The following MGRN1 variants were observed in gnomAD, a reference collection of about 807,000 sequenced individuals.
MGRN1 encodes mahogunin ring finger 1.
A neutral mutation model predicts 69.2 loss-of-function variants in MGRN1; 29 were observed. The observed-to-expected ratio is 0.42, with a 90% CI of 0.31 to 0.57. The LOEUF is 0.57. Ranked by LOEUF, MGRN1 falls within the 20% of genes least tolerant of loss-of-function variation. MGRN1 has a pLI of 0.15. For synonymous variants in MGRN1, 470 were observed against 344.2 expected, an observed-to-expected ratio of 1.37 and a Z score of -4.04; for missense variants, 998 against 796.2, an observed-to-expected ratio of 1.25 and a Z score of -3.05.
intron 16 of MGRN1, chr16:4,686,905 C>G (rs2079333504): frequency 2.0e-6 from 2 of 985,440 alleles, no homozygotes; most frequent in Admixed American, 6.1e-5. Flanking sequence ...TTCCCAAGCT[C>G]AGTCCCTGTC....
intron 16 of MGRN1, chr16:4,688,335 C>A (rs755444767): frequency 6.8e-5 from 67 of 989,208 alleles, no homozygotes; most frequent in Non-Finnish European, 7.4e-5. Context: ...CTTGCAGTAG[C>A]CATCCGGGGG....
At chr16:4,653,646 G>A (rs1316553765) in intron 4 of MGRN1, among the ~76,000 whole-genome samples, 2 of 151,814 alleles carry the variant, frequency 1.3e-5, no homozygotes, top group African/African-American at 2.4e-5. Context: ...GTGCCACCAC[G>A]CTTGGCTAAT....
At chr16:4,669,049 C>G (rs1567217969) in intron 8 of MGRN1, 1 of 152,180 alleles carries the variant, frequency 6.6e-6, no homozygotes, top group Non-Finnish European at 1.5e-5. Flanking sequence ...CACATATACT[C>G]ACACACACTT....
At position 4,682,893 on chromosome 16, in the gene MGRN1, C is replaced by G. The variant is rs759950236; in HGVS notation, c.1429C>G (p.Pro477Ala). Residue 477 changes from proline to alanine, a missense_variant, in exon 14 of 17, where the codon CCT (proline) becomes GCT (alanine). By Grantham distance (27) the Pro-to-Ala change is conservative. Coordinates refer to ENST00000262370, the MANE Select transcript of MGRN1 (RefSeq NM_015246.4). ...GAAGCTCTCCGAGGACGTGGACGCC[C>G]CTCCCCCACTGGGTGGCGCAGAGCT... ...EEKLSEDVDA[P>A]PPLGGAELAL... 2.5e-6 allele frequency: 4 copies of G among 1,609,504 alleles called. No individual in the cohort carries two copies. In the South Asian group the frequency reaches 4.4e-5, roughly 18 times the overall value.
chr16:4,625,237 C>T (rs1427354713), intron 1 of MGRN1, among the ~76,000 whole-genome samples, 189 bp downstream of exon 1: 2 of 152,180 alleles, frequency 1.3e-5, no homozygotes, highest in South Asian at 2.1e-4. Context: ...AGGAACCTGC[C>T]CGAGCCGTAC....
chr16:4,651,886 C>G (rs1439928698), intron 2 of MGRN1, 77 bp from the exon 3 acceptor site: 21 of 1,300,602 alleles, frequency 1.6e-5, no homozygotes, highest in Non-Finnish European at 2.3e-5. Context: ...GGGGCTGTGG[C>G]TGCTGCACCC....
At chr16:4,677,670 C>G (rs1367377668) in intron 11 of MGRN1, 98 bp downstream of exon 11, 9 of 1,169,794 alleles carry the variant, frequency 7.7e-6, no homozygotes, top group Non-Finnish European at 1.1e-5. Flanking sequence ...GCCCCGTGTT[C>G]TCTTCTGTCC....
intron 16 of MGRN1, chr16:4,687,113 C>G (rs971106554): frequency 3.0e-6 from 3 of 985,320 alleles, no homozygotes; most frequent in African/African-American, 1.7e-5. Context: ...GCCATGAGCC[C>G]ACTGCTGCCG....
chr16:4,666,080 C>T (rs369511757), intron 7 of MGRN1, among the ~76,000 whole-genome samples: 10 of 152,176 alleles, frequency 6.6e-5, no homozygotes, highest in East Asian at 3.9e-4. Flanking sequence ...CCACCTGCCT[C>T]GGCCTCCCAA....
intron 13 of MGRN1, 76 bp downstream of exon 13, chr16:4,681,852 A>C: frequency 7.0e-7 from 1 of 1,420,342 alleles, no homozygotes; most frequent in South Asian, 1.3e-5. Context: ...TTGTGGTTTC[A>C]AATCAGTTTG....
intron 16 of MGRN1, chr16:4,687,328 C>T (rs909039288): frequency 4.0e-5 from 39 of 969,566 alleles, no homozygotes; most frequent in Non-Finnish European, 4.4e-5. Flanking sequence ...GGGGATAGAT[C>T]ACTTGAGCCC....
In MGRN1 at chr16:4,664,732, C is replaced by T. The variant is rs145835477; in HGVS notation, c.585C>T (p.Gly195=). The stretch of plus-strand genomic sequence containing the variant: ...AGCTGAACTTTGACCTGGACCGGGG[C>T]GTGTTTCCAGTAGTCATCCAGGCTG... ...DDELNFDLDR[G]VFPVVIQAVV... The change falls in exon 6 of 17, where the codon GGC becomes GGT. Residue 195 remains glycine, a synonymous_variant. Coordinates refer to ENST00000262370, the MANE Select transcript of MGRN1 (RefSeq NM_015246.4). 2.6e-5 allele frequency: 42 copies of T among 1,614,154 alleles called. No homozygotes were observed. The highest frequency in any genetic ancestry group is 1.0e-4 in the Admixed American group (6 of 60,010).
intron 16 of MGRN1, 78 bp from the exon 17 acceptor site, chr16:4,688,718 G>T: frequency 6.8e-7 from 1 of 1,479,568 alleles, no homozygotes; most frequent in Non-Finnish European, 9.1e-7. Context: ...GCCCCTCTGG[G>T]GCTCCAGATC....
intron 5 of MGRN1, among the ~76,000 whole-genome samples, chr16:4,662,981 G>A (rs923472982): frequency 6.6e-6 from 1 of 152,198 alleles, no homozygotes; most frequent in African/African-American, 2.4e-5. Context: ...GGTCGGTCTT[G>A]GGAGGCAGGA....
intron 4 of MGRN1, among the ~76,000 whole-genome samples, chr16:4,653,252 T>A (rs2141886074): frequency 6.6e-6 from 1 of 152,230 alleles, no homozygotes; most frequent in African/African-American, 2.4e-5. Flanking sequence ...GTTTGTTGGT[T>A]TATTGTAAAG....
intron 9 of MGRN1, chr16:4,672,421 G>A (rs2078959053): frequency 2.2e-6 from 1 of 456,612 alleles, no homozygotes; most frequent in Admixed American, 2.3e-5. Context: ...AGTCTCACAG[G>A]CCCGCTTCAT....
chr16:4,682,549 C>G (rs573658546), intron 13 of MGRN1, among the ~76,000 whole-genome samples: 3 of 152,218 alleles, frequency 2.0e-5, no homozygotes, highest in African/African-American at 7.2e-5. Context: ...GAACCACCAG[C>G]GGTTTCTCTT....
chr16:4,664,405 G>C (rs549443568), intron 5 of MGRN1: 1 of 433,706 alleles, frequency 2.3e-6, no homozygotes, highest in African/African-American at 2.0e-5. Context: ...TGGGGTTTCC[G>C]TTTGGGGTGA....
In MGRN1 at chr16:4,650,689, G is replaced by T. The variant is rs1413066774; in HGVS notation, c.207+206G>T. 2 of 437,782 alleles carry T rather than the reference G, an allele frequency of 4.6e-6. 1 individual carries two copies. Among genetic ancestry groups the T allele is most frequent in the South Asian group, 1.1e-4 (2 of 18,624 alleles). The allele number at this position is 437,782 out of a possible 1,614,324, so 27.1% of individuals were successfully genotyped here. A position where few individuals can be genotyped will look rare whatever the true frequency, so the allele number is the denominator to read the frequency against. On this transcript the variant is annotated intron_variant, in intron 2 of 16. Coordinates refer to ENST00000262370, the MANE Select transcript of MGRN1 (RefSeq NM_015246.4). ...GGTGCTGCCCCCTAGAGGCCAGATG[G>T]CCAGGGGCAGGTCACTGAGAAACAG... is the stretch of plus-strand genomic sequence containing the variant.
Sources: gnomAD v4.1 joint callset for allele counts (sites outside exome capture counted in the v4.1 genomes callset) on GRCh38, gnomAD v4.1.1 for gene constraint, MANE v1.5 for transcripts, NCBI Gene and HGNC (gene_info 2026-07-23, HGNC 2026-07-21) for gene names.